PHC2: variants seen among roughly 807,000 people sequenced by gnomAD.
PHC2 encodes polyhomeotic homolog 2, also known as polyhomeotic-like protein 2.
PHC2 carries 29 observed loss-of-function variants against 87.4 expected under a neutral mutation model. The ratio of observed to expected loss-of-function variants is 0.33; its 90% confidence interval spans 0.25 to 0.45. The LOEUF is 0.45. PHC2 is among the 20% of genes least tolerant of loss of function. The pLI is 1.00. For synonymous variants in PHC2, 438 were observed against 461.7 expected (o/e 0.95, Z 0.66); for missense variants, 857 against 1,136.7 (o/e 0.75, Z 3.54).
At chr1:33,325,620 G>A (rs894075622) in intron 14 of PHC2, 1 of 297,850 alleles carries the variant, frequency 3.4e-6, no homozygotes, top group Admixed American at 4.3e-5. Flanking sequence ...TCTGTTTCTA[G>A]TTCTTAGACT....
chr1:33,404,547 A>G (rs577835034), intron 1 of PHC2, among the ~76,000 whole-genome samples: 2 of 152,216 alleles, frequency 1.3e-5, no homozygotes, highest in South Asian at 4.2e-4. Flanking sequence ...TTTTGCACAC[A>G]ATAGGGTCTT....
intron 7 of PHC2, chr1:33,363,893 C>G: frequency 1.0e-6 from 1 of 985,246 alleles, no homozygotes; most frequent in Non-Finnish European, 1.2e-6. Context: ...TCTCTTCTGC[C>G]CTCCATTGCT....
chr1:33,390,252 C>T (rs565193192), intron 1 of PHC2, among the ~76,000 whole-genome samples: 31 of 152,280 alleles, frequency 2.0e-4, no homozygotes, highest in African/African-American at 7.2e-4. Flanking sequence ...CATCAGAAAT[C>T]CACCTGAAAT....
chr1:33,407,393 T>G (rs1649808021), intron 1 of PHC2, among the ~76,000 whole-genome samples: 2 of 152,210 alleles, frequency 1.3e-5, no homozygotes, highest in Admixed American at 1.3e-4. Flanking sequence ...GGCTCCATTC[T>G]CTAGAAATGA....
At chr1:33,403,009 C>T (rs1310100712) in intron 1 of PHC2, among the ~76,000 whole-genome samples, 1 of 151,138 alleles carries the variant, frequency 6.6e-6, no homozygotes, top group East Asian at 1.9e-4. Flanking sequence ...TTTTAGTAGA[C>T]ATGGGGTTTC....
At chr1:33,375,230 T>C in intron 2 of PHC2, 136 bp downstream of exon 2, 1 of 669,714 alleles carries the variant, frequency 1.5e-6, no homozygotes, top group Non-Finnish European at 2.4e-6. Context: ...CACAAATGTG[T>C]ATCTACGAAC....
intron 1 of PHC2, 44 bp downstream of exon 1, chr1:33,430,932 G>T (rs1650894140): frequency 6.6e-6 from 1 of 151,098 alleles, no homozygotes; most frequent in Non-Finnish European, 1.5e-5. Context: ...CGCGCTGCCC[G>T]TCAGCCGCGA....
chr1:33,418,595 G>A (rs1478068110), intron 1 of PHC2, among the ~76,000 whole-genome samples: 1 of 152,066 alleles, frequency 6.6e-6, no homozygotes, highest in Non-Finnish European at 1.5e-5. Flanking sequence ...CTGAATTCTT[G>A]GCTTAAAATC....
intron 3 of PHC2, among the ~76,000 whole-genome samples, chr1:33,371,378 G>A (rs1647824729): frequency 6.6e-6 from 1 of 152,022 alleles, no homozygotes; most frequent in Non-Finnish European, 1.5e-5. Context: ...TCGGTGTGTG[G>A]AGCCCTCCAC....
At chr1:33,346,835 AG>A (rs1470858623) in intron 9 of PHC2, 4 of 985,256 alleles carry the variant, frequency 4.1e-6, no homozygotes, top group Non-Finnish European at 4.8e-6. Flanking sequence ...TTCACAATAG[AG>A]AAAAGTAGAC....
Position 33,368,502 on chromosome 1 carries a change from C to A in PHC2, c.663+34G>T. ...CAGTGCCCCTCTACAGGGGTGCCCA[C>A]CCCCCTGCCCTCCCACAAGCATGGA... On this transcript the variant is annotated intron_variant, in intron 6 of 14. Transcript: ENST00000683057. The surrounding 1 kb of genome is among the most constrained non-coding windows in gnomAD (Gnocchi z 6.6). 8.3e-7 allele frequency: 1 copy of A among 1,208,964 alleles called. No homozygotes were observed. Among genetic ancestry groups the A allele is most frequent in the Non-Finnish European group, 1.2e-6 (1 of 860,070 alleles). The allele number at this position is 1,208,964 out of a possible 1,614,324, so 74.9% of individuals were successfully genotyped here. A position where few individuals can be genotyped will look rare whatever the true frequency, so the allele number is the denominator to read the frequency against.
chr1:33,335,656 C>T (rs1646611830), intron 9 of PHC2, among the ~76,000 whole-genome samples: 1 of 152,216 alleles, frequency 6.6e-6, no homozygotes, highest in Non-Finnish European at 1.5e-5. Flanking sequence ...AATCTCAGCA[C>T]TTTGGAAGAC....
At chr1:33,377,907 C>T (rs1424326106) in intron 1 of PHC2, among the ~76,000 whole-genome samples, 1 of 152,036 alleles carries the variant, frequency 6.6e-6, no homozygotes, top group Non-Finnish European at 1.5e-5. Flanking sequence ...GTCTGGAAAC[C>T]CAAGCCACTC....
intron 9 of PHC2, 93 bp downstream of exon 9, chr1:33,354,308 C>T: frequency 1.7e-6 from 2 of 1,196,250 alleles, no homozygotes; most frequent in South Asian, 1.4e-5. Context: ...AATAGTTTAC[C>T]CTCCCATTCC....
intron 1 of PHC2, among the ~76,000 whole-genome samples, chr1:33,379,343 ACCGCCCC>A (rs1648361021): frequency 6.4e-5 from 1 of 15,562 alleles, no homozygotes; most frequent in Non-Finnish European, 1.2e-4. Context: ...CCACCCCCCC[ACCGCCCC>A]CTGCCCCCCC....
At chr1:33,428,828 A>G (rs1417689549) in intron 1 of PHC2, among the ~76,000 whole-genome samples, 1 of 152,220 alleles carries the variant, frequency 6.6e-6, no homozygotes, top group Admixed American at 6.5e-5. Flanking sequence ...TGGAAAGCCT[A>G]TGGAGGGCCT....
chr1:33,339,964 G>C (rs1238616548), intron 9 of PHC2, among the ~76,000 whole-genome samples: 2 of 152,186 alleles, frequency 1.3e-5, no homozygotes, highest in African/African-American at 4.8e-5. Flanking sequence ...TGCTCAATCT[G>C]TACTAACATC....
chr1:33,397,829 C>A (rs1649357355), intron 1 of PHC2, among the ~76,000 whole-genome samples: 1 of 152,108 alleles, frequency 6.6e-6, no homozygotes, highest in African/African-American at 2.4e-5. Context: ...ATGACCTCTG[C>A]AAATGCTTGC....
At chr1:33,405,830 C>T (rs915953088) in intron 1 of PHC2, among the ~76,000 whole-genome samples, 1 of 152,154 alleles carries the variant, frequency 6.6e-6, no homozygotes, top group African/African-American at 2.4e-5. Flanking sequence ...TGAATGCTAA[C>T]AATACACTGT....
Sources: gnomAD v4.1 joint callset for allele counts (sites outside exome capture counted in the v4.1 genomes callset) on GRCh38, gnomAD v4.1.1 for gene constraint, Gnocchi (gnomAD v3.1) non-coding constraint, MANE v1.5 for transcripts, NCBI Gene and HGNC (gene_info 2026-07-23, HGNC 2026-07-21) for gene names.